ASCC2: variants seen among roughly 807,000 people sequenced by gnomAD.
ASCC2 encodes ASC-1 complex subunit P100.
Under a neutral mutation model 93.5 loss-of-function variants are expected in ASCC2, and 42 were observed. The observed-to-expected ratio is 0.45, with a 90% CI of 0.35 to 0.58. The LOEUF is 0.58. Among genes scored for constraint, ASCC2 ranks in the 20% least tolerant of loss-of-function variants. ASCC2 has a pLI of 0.00. For missense variants in ASCC2, 859 were observed against 977.6 expected, an observed-to-expected ratio of 0.88 and a Z score of 1.62; for synonymous variants, 364 against 384.2, an observed-to-expected ratio of 0.95 and a Z score of 0.62.
chr22:29,790,182 G>A (rs1395390649), intron 19 of ASCC2, among the ~76,000 whole-genome samples: 2 of 152,208 alleles, frequency 1.3e-5, no homozygotes, highest in Non-Finnish European at 2.9e-5. Context: ...TGTTCACCAA[G>A]TAATGGTTAT....
At chr22:29,827,642 C>T (rs1300477766) in intron 2 of ASCC2, 1 of 469,788 alleles carries the variant, frequency 2.1e-6, no homozygotes, top group African/African-American at 2.0e-5. Flanking sequence ...AAGTTCAAAA[C>T]AACTGTCAGG....
Position 29,803,861 on chromosome 22 carries a change from G to A in ASCC2, c.1353+777C>T, listed in dbSNP as rs1051557720. 4.6e-5 allele frequency among the ~76,000 whole-genome samples: 7 copies of A among 152,242 alleles called. 1 individual carries two copies. Among genetic ancestry groups the A allele is most frequent in the Admixed American group, 2.0e-4 (3 of 15,284 alleles). On this transcript the variant is annotated intron_variant, in intron 13 of 19. Coordinates refer to ENST00000307790, the MANE Select transcript of ASCC2 (RefSeq NM_032204.5). Reference sequence around the variant, plus strand: ...AGGGTCTGGGCTGGGAGGAAGGACTGTGGCATTTGTTAATGGAGCACTGAA... The same window carrying A: ...AGGGTCTGGGCTGGGAGGAAGGACTATGGCATTTGTTAATGGAGCACTGAA...
At chr22:29,838,021 C>G (rs577889889) in intron 1 of ASCC2, among the ~76,000 whole-genome samples, 157 bp downstream of exon 1, 1 of 152,358 alleles carries the variant, frequency 6.6e-6, no homozygotes, top group Non-Finnish European at 1.5e-5. Flanking sequence ...CCCTGGCGGC[C>G]AAGTCTCGAG....
At chr22:29,806,658 T>C in intron 10 of ASCC2, 105 bp from the exon 11 acceptor site, 5 of 1,430,632 alleles carry the variant, frequency 3.5e-6, no homozygotes, top group Non-Finnish European at 4.9e-6. Context: ...AGTGGAGGAA[T>C]GAGGCATTTT....
intron 7 of ASCC2, 129 bp from the exon 8 acceptor site, chr22:29,813,671 C>T: frequency 1.5e-6 from 1 of 660,658 alleles, no homozygotes; most frequent in East Asian, 2.8e-5. Flanking sequence ...GAAAAGAACA[C>T]TGGAGGTCCC....
In ASCC2 at chr22:29,789,051, C is replaced by T. The variant is rs746798422; in HGVS notation, c.2236G>A (p.Ala746Thr). Residue 746 changes from alanine (A) to threonine (T), a missense_variant, in exon 20 of 20, where the codon GCC (alanine) becomes ACC (threonine). By Grantham distance (58) the Ala-to-Thr change is moderately conservative. Coordinates refer to ENST00000307790, the MANE Select transcript of ASCC2 (RefSeq NM_032204.5). ...ATGCCTTTGCTCCTCTTGCGGTCGG[C>T]CATGGTTCTCCGGTTGTGGTTGGCT... ...TRANHNRRTMADRKRSKGMIP... is the reference protein window; with the variant it reads ...TRANHNRRTMTDRKRSKGMIP... The T allele has an allele frequency of 1.2e-6, 2 of 1,614,050 alleles. No individual in the cohort carries two copies. The highest frequency in any genetic ancestry group is 1.7e-6 in the Non-Finnish European group (2 of 1,180,034).
At chr22:29,817,779 C>T (rs538061564) in intron 5 of ASCC2, among the ~76,000 whole-genome samples, 28 of 152,070 alleles carry the variant, frequency 1.8e-4, no homozygotes, top group Admixed American at 2.6e-4. Flanking sequence ...ATGACAGTGA[C>T]GATGTAACTT....
chr22:29,789,962 C>T (rs2068756181), intron 19 of ASCC2, among the ~76,000 whole-genome samples: 4 of 152,182 alleles, frequency 2.6e-5, no homozygotes, highest in Non-Finnish European at 5.9e-5. Flanking sequence ...GATCCCTCTC[C>T]TGACCACGCC....
chr22:29,821,836 A>G (rs2061587997), intron 5 of ASCC2: 1 of 362,888 alleles, frequency 2.8e-6, no homozygotes, highest in Admixed American at 3.8e-5. Flanking sequence ...CTACTAAAAA[A>G]AATTTTTTTT....
chr22:29,794,421 A>G (rs1248327071), intron 15 of ASCC2, among the ~76,000 whole-genome samples: 3 of 151,792 alleles, frequency 2.0e-5, no homozygotes, highest in Non-Finnish European at 4.4e-5. Flanking sequence ...GAAGCTGGGA[A>G]GTGGAGGTTG....
rs560247793 is a variant in ASCC2, at chr22:29,836,711, C to T, written c.-18+1467G>A. 9.9e-5 allele frequency among the ~76,000 whole-genome samples: 15 copies of T among 152,238 alleles called. 1 individual carries two copies. The highest frequency in any genetic ancestry group is 3.9e-4 in the Admixed American group (6 of 15,284). On this transcript the variant is annotated intron_variant, in intron 1 of 19. Coordinates refer to ENST00000307790, the MANE Select transcript of ASCC2 (RefSeq NM_032204.5). Reference sequence around the variant, plus strand: ...GAGTAGCTGGGAATACAGGCATACGCCTGGCTAATTTTTGTATTTTTAGTA... The same window carrying T: ...GAGTAGCTGGGAATACAGGCATACGTCTGGCTAATTTTTGTATTTTTAGTA...
intron 18 of ASCC2, 68 bp from the exon 19 acceptor site, chr22:29,790,616 C>A: frequency 6.6e-7 from 1 of 1,511,236 alleles, no homozygotes. Context: ...GGCGATGAGG[C>A]CCTGCTCAAG....
intron 4 of ASCC2, among the ~76,000 whole-genome samples, chr22:29,823,309 G>A (rs2061833139): frequency 6.6e-6 from 1 of 152,176 alleles, no homozygotes; most frequent in Non-Finnish European, 1.5e-5. Flanking sequence ...AAAGTGCTGG[G>A]ATTACAGGCA....
chr22:29,792,818 G>GT lies in ASCC2; in HGVS notation c.1920-284dup, dbSNP rs1718467966. Reference sequence around the variant, plus strand: ...CTTGGATCTGTATTGGGGAATCGCTGTAACATTCCACCTGAAAACATTTTC... The same window carrying GT: ...CTTGGATCTGTATTGGGGAATCGCTGTTAACATTCCACCTGAAAACATTTTC... On this transcript the variant is annotated intron_variant, in intron 17 of 19. Transcript: ENST00000307790. Among the ~76,000 whole-genome samples the GT allele has an allele frequency of 2.0e-5, 3 of 152,132 alleles. No individual in the cohort carries two copies. The South Asian group carries it at 6.2e-4, about 31-fold the overall frequency.
intron 2 of ASCC2, among the ~76,000 whole-genome samples, chr22:29,826,868 C>A (rs2062404373): frequency 6.6e-6 from 1 of 151,880 alleles, no homozygotes; most frequent in South Asian, 2.1e-4. Context: ...GAGGCTGAGG[C>A]AGGCAGATCA....
chr22:29,836,343 G>C (rs1239756045), intron 1 of ASCC2: 4 of 126,648 alleles, frequency 3.2e-5, no homozygotes, highest in Admixed American at 9.5e-5. Flanking sequence ...TCACGCCATT[G>C]CACTCCAGCC....
chr22:29,811,156 T>C (rs1205884017), intron 8 of ASCC2, among the ~76,000 whole-genome samples: 1 of 152,228 alleles, frequency 6.6e-6, no homozygotes, highest in African/African-American at 2.4e-5. Flanking sequence ...GGGTGCTTAA[T>C]GCACTGATGT....
Position 29,806,781 on chromosome 22 carries a change from A to C in ASCC2, c.1016+16T>G, listed in dbSNP as rs779425220. ...GAGGAGACTCTTCCACCAGGAGGCA[A>C]TTCGTGAGGGCTTACCTGCTTTCTA... is the stretch of plus-strand genomic sequence containing the variant. On this transcript the variant is annotated intron_variant, in intron 10 of 19. Transcript: ENST00000307790. 1.9e-6 allele frequency: 3 copies of C among 1,593,892 alleles called. No homozygotes were observed. In the Admixed American group the frequency reaches 5.0e-5, roughly 27 times the overall value.
chr22:29,821,364 T>C (rs575366073), intron 5 of ASCC2, among the ~76,000 whole-genome samples: 106 of 152,322 alleles, frequency 7.0e-4, no homozygotes, highest in Non-Finnish European at 1.4e-3. Context: ...AGTGCCATCA[T>C]CCCTGAAGCA....
Sources: gnomAD v4.1 joint callset for allele counts (sites outside exome capture counted in the v4.1 genomes callset) on GRCh38, gnomAD v4.1.1 for gene constraint, MANE v1.5 for transcripts, NCBI Gene and HGNC (gene_info 2026-07-23, HGNC 2026-07-21) for gene names.